The following AGBL1 variants were observed in gnomAD, a reference collection of about 807,000 sequenced individuals.
The protein encoded by AGBL1 is cytosolic carboxypeptidase 4.
Under a neutral mutation model 118.9 loss-of-function variants are expected in AGBL1, and 130 were observed. The ratio of observed to expected loss-of-function variants is 1.09; its 90% CI spans 0.95 to 1.26. The LOEUF is 1.26. Among genes scored for constraint, AGBL1 ranks in the 50% most tolerant of loss-of-function variants. The probability of loss-of-function intolerance (pLI) is 0.00; values close to 1 mark genes in which losing one functional copy is unlikely to be tolerated. For synonymous variants in AGBL1, 555 were observed against 478.9 expected (o/e 1.16, Z -2.08); for missense variants, 1,584 against 1,298.1 (o/e 1.22, Z -3.38).
intron 6 of AGBL1, among the ~76,000 whole-genome samples, chr15:86,235,467 A>C (rs1417546322): frequency 6.6e-6 from 1 of 152,258 alleles, no homozygotes; most frequent in African/African-American, 2.4e-5. Context: ...ATCCCGGCAT[A>C]ATTGATGACT....
chr15:86,962,158 A>G (rs2080999168), intron 23 of AGBL1, among the ~76,000 whole-genome samples: 1 of 152,278 alleles, frequency 6.6e-6, no homozygotes, highest in South Asian at 2.1e-4. Flanking sequence ...GTTTGAAAAG[A>G]AAGACAAGTT....
At chr15:86,578,628 G>A (rs745610668) in intron 21 of AGBL1, among the ~76,000 whole-genome samples, 1 of 152,180 alleles carries the variant, frequency 6.6e-6, no homozygotes, top group Non-Finnish European at 1.5e-5. Flanking sequence ...GTTTTGGAAG[G>A]GACCCAGTGG....
intron 21 of AGBL1, among the ~76,000 whole-genome samples, chr15:86,604,756 A>G (rs895157889): frequency 1.4e-4 from 20 of 145,224 alleles, no homozygotes; most frequent in Non-Finnish European, 2.3e-4. Flanking sequence ...AATGATTGCT[A>G]TTTTCACATT....
intron 22 of AGBL1, among the ~76,000 whole-genome samples, chr15:86,817,628 CACACACACACACACACACAG>C (rs1482754074): frequency 6.3e-4 from 90 of 142,080 alleles, no homozygotes; most frequent in African/African-American, 2.1e-3. Flanking sequence ...GACAGGCATA[CACACACACACACACACACAG>C]ACACACACAC....
intron 1 of AGBL1, among the ~76,000 whole-genome samples, chr15:86,086,529 C>T (rs754711481): frequency 1.3e-5 from 2 of 152,230 alleles, no homozygotes; most frequent in African/African-American, 4.8e-5. Flanking sequence ...GAGCTAGGAA[C>T]AAAAGAATGA....
chr15:86,816,054 A>G (rs1327860184), intron 22 of AGBL1, among the ~76,000 whole-genome samples: 1 of 152,212 alleles, frequency 6.6e-6, no homozygotes, highest in African/African-American at 2.4e-5. Flanking sequence ...GGATAAGGAC[A>G]CAGTAAGAAG....
intron 24 of AGBL1, among the ~76,000 whole-genome samples, chr15:87,011,890 G>A (rs756743752): frequency 6.6e-5 from 10 of 151,978 alleles, no homozygotes; most frequent in Admixed American, 6.6e-4. Flanking sequence ...TAATTACTTT[G>A]CAGAAAATCT....
chr15:86,713,944 G>A (rs1372624203), intron 22 of AGBL1, among the ~76,000 whole-genome samples: 2 of 152,214 alleles, frequency 1.3e-5, no homozygotes, highest in African/African-American at 2.4e-5. Flanking sequence ...TGCCATGCAT[G>A]ATGGGTGTCT....
At chr15:86,817,857 C>A (rs1338643237) in intron 22 of AGBL1, among the ~76,000 whole-genome samples, 4 of 152,116 alleles carry the variant, frequency 2.6e-5, no homozygotes, top group Admixed American at 1.3e-4. Flanking sequence ...TAAAAGTAGG[C>A]CCTTGATCTA....
chr15:86,644,757 G>C (rs955281495), intron 21 of AGBL1, among the ~76,000 whole-genome samples: 1 of 149,692 alleles, frequency 6.7e-6, no homozygotes, highest in Non-Finnish European at 1.5e-5. Flanking sequence ...TGTAATCCCA[G>C]CACTTTGAGA....
chr15:86,368,259 G>A (rs2141937221), intron 17 of AGBL1, among the ~76,000 whole-genome samples: 1 of 151,990 alleles, frequency 6.6e-6, no homozygotes, highest in Middle Eastern at 3.4e-3. Context: ...CCACTAGATA[G>A]GTACGATATT....
intron 5 of AGBL1, among the ~76,000 whole-genome samples, chr15:86,197,636 A>G (rs2077835471): frequency 6.6e-6 from 1 of 152,242 alleles, no homozygotes; most frequent in Admixed American, 6.5e-5. Context: ...TTGTTAAGCA[A>G]AAAGGAACTA....
intron 17 of AGBL1, among the ~76,000 whole-genome samples, chr15:86,352,682 A>G (rs2080646647): frequency 1.3e-5 from 2 of 152,070 alleles, no homozygotes; most frequent in Admixed American, 1.3e-4. Flanking sequence ...GGGTTTCACT[A>G]TGTTGGCCAG....
At chr15:86,412,757 C>T (rs922756212) in intron 18 of AGBL1, among the ~76,000 whole-genome samples, 1 of 152,144 alleles carries the variant, frequency 6.6e-6, no homozygotes, top group African/African-American at 2.4e-5. Context: ...AACACTTCTT[C>T]CCTAAACCAC....
chr15:86,346,423 T>C (rs2080538652), intron 17 of AGBL1, among the ~76,000 whole-genome samples: 1 of 151,962 alleles, frequency 6.6e-6, no homozygotes, highest in South Asian at 2.1e-4. Flanking sequence ...CTCGGCTCAC[T>C]GCAAGCTGTG....
At chr15:86,513,434 C>T (rs2083076661) in intron 18 of AGBL1, among the ~76,000 whole-genome samples, 1 of 151,932 alleles carries the variant, frequency 6.6e-6, no homozygotes, top group African/African-American at 2.4e-5. Flanking sequence ...GTTGACATGC[C>T]TCACAAATGG....
At chr15:86,747,329 A>G (rs2077772215) in intron 22 of AGBL1, among the ~76,000 whole-genome samples, 1 of 152,124 alleles carries the variant, frequency 6.6e-6, no homozygotes, top group African/African-American at 2.4e-5. Context: ...CATTTTGTAG[A>G]TTAAAGTAAT....
At chr15:86,357,994 A>G (rs1014339662) in intron 17 of AGBL1, among the ~76,000 whole-genome samples, 2 of 152,128 alleles carry the variant, frequency 1.3e-5, no homozygotes, top group African/African-American at 2.4e-5. Flanking sequence ...GCTAATTAAT[A>G]TATCTATCAC....
chr15:86,636,299 C>A (rs2085081912), intron 21 of AGBL1, among the ~76,000 whole-genome samples: 1 of 152,016 alleles, frequency 6.6e-6, no homozygotes, highest in Admixed American at 6.6e-5. Context: ...ATAAATATAT[C>A]TCCACTGATG....
Sources: allele counts gnomAD v4.1 joint callset (sites outside exome capture counted in the v4.1 genomes callset), GRCh38; gene constraint gnomAD v4.1.1; transcripts MANE v1.5; gene names NCBI Gene and HGNC (gene_info 2026-07-23, HGNC 2026-07-21).